Variants in CGNL1 observed in about 807,000 individuals in gnomAD.
CGNL1 encodes the protein cingulin like 1.
Under a neutral mutation model 141.2 loss-of-function variants are expected in CGNL1, and 132 were observed. The observed-to-expected ratio is 0.93, with a 90% CI of 0.81 to 1.08. The LOEUF is 1.08. Ranked by LOEUF, CGNL1 falls within the 50% of genes least tolerant of loss-of-function variation. The pLI is 0.00. For missense variants in CGNL1, 1,870 were observed against 1,588.6 expected (o/e 1.18, Z -3.01); for synonymous variants, 690 against 622.1 (o/e 1.11, Z -1.63).
At position 57,451,505 on chromosome 15, in the gene CGNL1, T is replaced by A; in HGVS notation, c.1809T>A (p.Cys603Ter). The change falls in exon 5 of 19, where the codon TGT becomes TGA. Residue 603 changes from cysteine (C) to a stop codon, truncating the protein, a stop_gained. Transcript: ENST00000281282. LOFTEE classifies it high-confidence loss of function. The stretch of plus-strand genomic sequence containing the variant: ...ATCTTTGCAATTAATTATAGGCTTG[T>A]AATTCCACATCTGAAGTCAAAGATC... ...AGSAQGNNQA[C>*]NSTSEVKDLL... The A allele has an allele frequency of 6.2e-7, 1 of 1,606,776 alleles. No homozygotes were observed. Among genetic ancestry groups the A allele is most frequent in the Non-Finnish European group, 8.5e-7 (1 of 1,175,924 alleles).
At chr15:57,463,335 G>C (rs1474806303) in intron 8 of CGNL1, among the ~76,000 whole-genome samples, 3 of 152,172 alleles carry the variant, frequency 2.0e-5, no homozygotes, top group African/African-American at 4.8e-5. Flanking sequence ...ATGGAATTGA[G>C]ATCATCAGTA....
intron 1 of CGNL1, among the ~76,000 whole-genome samples, chr15:57,396,642 C>A: frequency 6.6e-6 from 1 of 152,158 alleles, no homozygotes; most frequent in East Asian, 1.9e-4. Flanking sequence ...TAGGTCAGCA[C>A]TGCTGGGTCT....
chr15:57,498,546 CTTTT>C (rs1373328879), intron 8 of CGNL1, among the ~76,000 whole-genome samples: 2 of 151,886 alleles, frequency 1.3e-5, no homozygotes, highest in African/African-American at 4.8e-5. Context: ...TTTGTTTTTT[CTTTT>C]TTTGAGTATT....
chr15:57,506,397 T>C (rs1449751180), intron 8 of CGNL1, among the ~76,000 whole-genome samples: 2 of 152,216 alleles, frequency 1.3e-5, no homozygotes, highest in Admixed American at 1.3e-4. Flanking sequence ...GTCTTATAAA[T>C]ATGATGTGAG....
intron 8 of CGNL1, among the ~76,000 whole-genome samples, chr15:57,515,692 A>T (rs1193910046): frequency 6.6e-6 from 1 of 152,202 alleles, no homozygotes; most frequent in African/African-American, 2.4e-5. Context: ...TGACCTCTGG[A>T]ATCAACAATA....
intron 8 of CGNL1, among the ~76,000 whole-genome samples, chr15:57,479,547 C>T (rs780823745): frequency 5.3e-5 from 8 of 152,160 alleles, no homozygotes; most frequent in Non-Finnish European, 1.2e-4. Context: ...GCTTGTAATC[C>T]TAGCTAGTTG....
chr15:57,488,953 T>C (rs2063821718), intron 8 of CGNL1, among the ~76,000 whole-genome samples: 1 of 152,244 alleles, frequency 6.6e-6, no homozygotes, highest in Non-Finnish European at 1.5e-5. Context: ...AAGCAGTAGC[T>C]GTTCAAGGAC....
Position 57,461,741 on chromosome 15 carries a change from A to G in CGNL1, c.2252A>G (p.Asp751Gly), listed in dbSNP as rs2063449205. Residue 751 changes from aspartate to glycine, a missense_variant, in exon 8 of 19, where the codon GAC becomes GGC. By Grantham distance (94) the Asp-to-Gly change is moderately conservative. Coordinates refer to ENST00000281282, the MANE Select transcript of CGNL1 (RefSeq NM_032866.5). ...DLLIAKEEQE[D>G]LLRKRERELT... ...CTGATTGCCAAAGAGGAGCAAGAAG[A>G]CCTCTTGAGAAAGCGAGAGCGTGAA... is the stretch of plus-strand genomic sequence containing the variant. 1.2e-6 allele frequency: 2 copies of G among 1,614,116 alleles called. No homozygotes were observed. Among genetic ancestry groups the G allele is most frequent in the East Asian group, 4.5e-5 (2 of 44,860 alleles).
intron 1 of CGNL1, among the ~76,000 whole-genome samples, chr15:57,391,390 G>C (rs774811933): frequency 1.3e-5 from 2 of 152,208 alleles, no homozygotes; most frequent in Non-Finnish European, 2.9e-5. Flanking sequence ...TTAGTGAAGA[G>C]CTGCTAGACT....
In CGNL1 at chr15:57,540,027, G is replaced by A. The variant is rs116542397; in HGVS notation, c.3292-3669G>A. Among the ~76,000 whole-genome samples the A allele has an allele frequency of 7.8e-3, 1,191 of 152,222 alleles. 23 individuals carry two copies. The highest frequency in any genetic ancestry group is 0.027 in the African/African-American group (1,120 of 41,526). On this transcript the variant is annotated intron_variant, in intron 14 of 18. Transcript: ENST00000281282. ...TGAGCAGCTGTCACAGTATGATTTT[G>A]GGTCCTGTGTGACTACTCTCTGTCT...
At chr15:57,386,059 C>T (rs1279999086) in intron 1 of CGNL1, among the ~76,000 whole-genome samples, 5 of 152,242 alleles carry the variant, frequency 3.3e-5, no homozygotes, top group Admixed American at 3.3e-4. Context: ...TTTATTGATG[C>T]CTCTGGGTTT....
rs2063157473 is a variant in CGNL1 at position 57,439,499 on chromosome 15, C to T, written c.1500C>T (p.Ala500=). The change falls in exon 2 of 19, where the codon GCC becomes GCT. Residue 500 remains alanine, a synonymous_variant. Transcript: ENST00000281282. The stretch of plus-strand genomic sequence containing the variant: ...AAAAGGAGGAGGAGGTGAAAACAGC[C>T]ACCGCTACGCTGATGTTACAGAACC... ...QSKKEEEVKT[A]TATLMLQNRA... is the part of the protein sequence containing the mutation. 6.2e-7 allele frequency: 1 copy of T among 1,614,112 alleles called. No individual in the cohort carries two copies. The highest frequency in any genetic ancestry group is 1.1e-5 in the South Asian group (1 of 91,086).
rs559839511 is a variant in CGNL1, at chr15:57,482,953, T to A, written c.2403+21061T>A. Among the ~76,000 whole-genome samples the A allele has an allele frequency of 9.9e-5, 15 of 152,062 alleles. 1 individual carries two copies. The South Asian group carries it at 1.7e-3, about 17-fold the overall frequency. ...GCAGCCGCCACCTCGCCTGGCTAATTTTTTTGTATTTTTAATAGAGACAGG... is the reference window on the plus strand; with the variant it reads ...GCAGCCGCCACCTCGCCTGGCTAATATTTTTGTATTTTTAATAGAGACAGG... On this transcript the variant is annotated intron_variant, in intron 8 of 18. Coordinates refer to ENST00000281282, the MANE Select transcript of CGNL1 (RefSeq NM_032866.5).
intron 1 of CGNL1, among the ~76,000 whole-genome samples, chr15:57,418,428 G>A (rs1043836215): frequency 2.4e-4 from 37 of 151,958 alleles, no homozygotes; most frequent in African/African-American, 8.2e-4. Context: ...TGATTAATCA[G>A]TTCGGTTTTT....
intron 1 of CGNL1, among the ~76,000 whole-genome samples, chr15:57,431,367 G>A (rs1264780094): frequency 2.6e-5 from 4 of 152,180 alleles, no homozygotes; most frequent in Non-Finnish European, 4.4e-5. Context: ...GAAGAGTTTG[G>A]TCAGTTTCCT....
intron 10 of CGNL1, among the ~76,000 whole-genome samples, chr15:57,519,214 C>T (rs1467670117): frequency 2.0e-5 from 3 of 152,154 alleles, no homozygotes; most frequent in Non-Finnish European, 4.4e-5. Flanking sequence ...TATTGGCTCT[C>T]GGGATGCTGC....
intron 8 of CGNL1, among the ~76,000 whole-genome samples, chr15:57,469,981 C>G (rs1402486615): frequency 3.3e-5 from 5 of 152,180 alleles, no homozygotes; most frequent in Non-Finnish European, 7.3e-5. Context: ...AGTGTAAAAT[C>G]TCATTTCTGT....
intron 1 of CGNL1, among the ~76,000 whole-genome samples, chr15:57,416,499 T>C (rs1161459283): frequency 6.6e-6 from 1 of 152,136 alleles, no homozygotes; most frequent in Non-Finnish European, 1.5e-5. Context: ...GACCCCTCTA[T>C]CCCTGCTGTT....
chr15:57,406,466 G>A (rs1176285394), intron 1 of CGNL1, among the ~76,000 whole-genome samples: 1 of 152,220 alleles, frequency 6.6e-6, no homozygotes, highest in Non-Finnish European at 1.5e-5. Context: ...TTAGAAGCCA[G>A]TTAAGGGTTC....
Sources: gnomAD v4.1 joint callset for allele counts (sites outside exome capture counted in the v4.1 genomes callset) on GRCh38, gnomAD v4.1.1 for gene constraint, MANE v1.5 for transcripts, NCBI Gene and HGNC (gene_info 2026-07-23, HGNC 2026-07-21) for gene names.